The following BOK variants were observed in gnomAD, a reference collection of about 807,000 sequenced individuals.
The protein encoded by BOK is BCL2 family apoptosis regulator BOK, also known as bcl-2-related ovarian killer protein.
BOK carries 20 observed loss-of-function variants against 18.3 expected under a neutral mutation model. That is an observed-to-expected ratio of 1.09 (90% CI 0.77 to 1.59). The LOEUF is 1.59. BOK is among the 40% of genes most tolerant of loss of function. The pLI, the probability that BOK is intolerant of heterozygous loss-of-function variation, is 0.00. For synonymous variants in BOK, 173 were observed against 142.4 expected (o/e 1.21, Z -1.53); for missense variants, 348 against 307.9 (o/e 1.13, Z -0.97).
intron 3 of BOK, 144 bp from the exon 4 acceptor site, chr2:241,569,981 C>T: frequency 9.6e-7 from 1 of 1,041,656 alleles, no homozygotes; most frequent in Non-Finnish European, 1.4e-6. Flanking sequence ...GGCATCCTGT[C>T]AGGGAGCGGT....
Position 241,570,160 on chromosome 2 carries a change from G to T in BOK, c.385G>T (p.Val129Leu), listed in dbSNP as rs1416884690. The T allele has an allele frequency of 6.2e-7, 1 of 1,611,498 alleles. No homozygotes were observed. Among genetic ancestry groups the T allele is most frequent in the Non-Finnish European group, 8.5e-7 (1 of 1,179,328 alleles). ...TWGKVVSLYAVAAGLAVDCVR... is the reference protein window; with the variant it reads ...TWGKVVSLYALAAGLAVDCVR... ...GGGCAAGGTGGTGTCCCTGTATGCGGTGGCCGCGGGGCTGGCCGTGGACTG... is the reference window on the plus strand; with the variant it reads ...GGGCAAGGTGGTGTCCCTGTATGCGTTGGCCGCGGGGCTGGCCGTGGACTG... The change falls in exon 4 of 5, where the codon GTG (valine) becomes TTG (leucine). Residue 129 changes from valine to leucine, a missense_variant. Coordinates refer to ENST00000318407, the MANE Select transcript of BOK (RefSeq NM_032515.5).
In BOK at chr2:241,565,636, C is replaced by T. The variant is rs537959572; in HGVS notation, c.349+3160C>T. 2.2e-4 allele frequency among the ~76,000 whole-genome samples: 33 copies of T among 152,336 alleles called. 2 individuals carry two copies. In the South Asian group the frequency reaches 6.4e-3, roughly 30 times the overall value. ...TGAGGGTGTGCGCCCTGCCCAGCCC[C>T]TCCACTGCAGGCAAGCTGCACAGCC... On this transcript the variant is annotated intron_variant, in intron 3 of 4. Transcript: ENST00000318407.
In BOK at chr2:241,559,622, G is replaced by GGCCTCTCCTGGAGCGCGCCC; in HGVS notation, c.141_160dup (p.Glu54AlafsTer33). On this transcript the variant is annotated frameshift_variant, in exon 2 of 5. Transcript: ENST00000318407. LOFTEE classifies it high-confidence loss of function. ...CGTGCACGCGCGGCTGCTGCGCGCCGGCCTCTCCTGGAGCGCGCCCGAGCG... is the reference window on the plus strand; with the variant it reads ...CGTGCACGCGCGGCTGCTGCGCGCCGGCCTCTCCTGGAGCGCGCCCGCCTCTCCTGGAGCGCGCCCGAGCG... The GGCCTCTCCTGGAGCGCGCCC allele has an allele frequency of 6.8e-7, 1 of 1,467,450 alleles. No homozygotes were observed. The highest frequency in any genetic ancestry group is 9.0e-7 in the Non-Finnish European group (1 of 1,115,798). The allele number at this position is 1,467,450 out of a possible 1,614,324, so 90.9% of individuals were successfully genotyped here.
At chr2:241,558,316 A>C (rs975483175), upstream of BOK, among the ~76,000 whole-genome samples, 18 of 152,220 alleles carry the variant, frequency 1.2e-4, no homozygotes, top group African/African-American at 4.1e-4. Flanking sequence ...AAAGGTACTA[A>C]CCATAAAGAA....
At chr2:241,564,438 C>T (rs1242688152) in intron 3 of BOK, among the ~76,000 whole-genome samples, 1 of 152,202 alleles carries the variant, frequency 6.6e-6, no homozygotes, top group African/African-American at 2.4e-5. Flanking sequence ...GGCTCCAAGG[C>T]CCCCACGTGG....
upstream of BOK, among the ~76,000 whole-genome samples, chr2:241,557,689 G>A (rs1487519383): frequency 1.3e-5 from 2 of 152,126 alleles, no homozygotes; most frequent in African/African-American, 4.8e-5. Flanking sequence ...CATTTGATAT[G>A]TCTTATTTTT....
At chr2:241,556,348 G>A (rs1339492583), upstream of BOK, among the ~76,000 whole-genome samples, 2 of 152,200 alleles carry the variant, frequency 1.3e-5, no homozygotes, top group South Asian at 2.1e-4. Context: ...ACTTTGTGAT[G>A]CCAAGGCAGG....
chr2:241,573,556 C>T lies in BOK; in HGVS notation c.*1134C>T, dbSNP rs2066756760. 6.6e-6 allele frequency: 1 copy of T among 152,370 alleles called. No individual in the cohort carries two copies. The highest frequency in any genetic ancestry group is 2.4e-5 in the African/African-American group (1 of 41,446). 9.4% of individuals were successfully genotyped at this position (152,370 alleles called of 1,614,324 possible). On this transcript the variant is annotated 3_prime_UTR_variant, in exon 5 of 5. Transcript: ENST00000318407. ...CGTTTCTGGAGGAAGAGTATGACAC[C>T]CACTTGTGATGGGGTCCTTGTGCGG...
intron 3 of BOK, among the ~76,000 whole-genome samples, chr2:241,563,111 C>T (rs911664777): frequency 5.3e-5 from 8 of 152,130 alleles, no homozygotes; most frequent in Admixed American, 3.3e-4. Flanking sequence ...CCCTCCTGTG[C>T]GCTCCCATCT....
chr2:241,567,275 C>T lies in BOK; in HGVS notation c.350-2850C>T, dbSNP rs565745011. Among the ~76,000 whole-genome samples the T allele has an allele frequency of 3.8e-5, 5 of 133,202 alleles. 1 individual carries two copies. Among genetic ancestry groups the T allele is most frequent in the Middle Eastern group, 3.8e-3 (1 of 262 alleles). 87.4% of individuals were successfully genotyped at this position (133,202 alleles called of 152,430 possible). On this transcript the variant is annotated intron_variant, in intron 3 of 4. Transcript: ENST00000318407. The stretch of plus-strand genomic sequence containing the variant: ...CTGAGTAGCTGGGATTACAGGCACC[C>T]GCCACCATGCTTGGCTAATGTTTGT...
At chr2:241,556,183 C>T (rs1398455529), upstream of BOK, among the ~76,000 whole-genome samples, 1 of 152,246 alleles carries the variant, frequency 6.6e-6, no homozygotes, top group African/African-American at 2.4e-5. Flanking sequence ...CTAGACTCTA[C>T]ATTAAAGAGT....
rs868166395 is a variant in BOK, at chr2:241,567,282, A to T, written c.350-2843A>T. On this transcript the variant is annotated intron_variant, in intron 3 of 4. Coordinates refer to ENST00000318407, the MANE Select transcript of BOK (RefSeq NM_032515.5). ...GCTGGGATTACAGGCACCCGCCACC[A>T]TGCTTGGCTAATGTTTGTATTTTTA... Among the ~76,000 whole-genome samples, 3 of 132,956 alleles carry T rather than the reference A, an allele frequency of 2.3e-5. 1 individual carries two copies. The highest frequency in any genetic ancestry group is 1.6e-5 in the Non-Finnish European group (1 of 62,516). 87.2% of individuals were successfully genotyped at this position (132,956 alleles called of 152,430 possible). A position where few individuals can be genotyped will look rare whatever the true frequency, so the allele number is the denominator to read the frequency against.
chr2:241,557,311 T>C (rs1208439653), upstream of BOK, among the ~76,000 whole-genome samples: 5 of 38,988 alleles, frequency 1.3e-4, no homozygotes, highest in African/African-American at 5.5e-4. Context: ...CTTTTTCCTT[T>C]TTTTTTTTTT....
chr2:241,560,249 C>T lies in BOK; in HGVS notation c.220+546C>T, dbSNP rs1220303630. The T allele has an allele frequency of 6.1e-6, 6 of 985,320 alleles. No individual in the cohort carries two copies. The Admixed American group carries it at 3.7e-4, about 61-fold the overall frequency. 61.0% of individuals were successfully genotyped at this position (985,320 alleles called of 1,614,324 possible). A position where few individuals can be genotyped will look rare whatever the true frequency, so the allele number is the denominator to read the frequency against. On this transcript the variant is annotated intron_variant, in intron 2 of 4. Transcript: ENST00000318407. ...GGGTCACACACGGTCCACTGGCTGCCCCCACCGTCTCCAAGGTCTGGACCC... is the reference window on the plus strand; with the variant it reads ...GGGTCACACACGGTCCACTGGCTGCTCCCACCGTCTCCAAGGTCTGGACCC...
At chr2:241,569,593 G>A (rs182812811) in intron 3 of BOK, among the ~76,000 whole-genome samples, 4 of 151,900 alleles carry the variant, frequency 2.6e-5, no homozygotes, top group East Asian at 1.9e-4. Flanking sequence ...CTCTTTTCTC[G>A]CTCACGTATA....
chr2:241,571,212 C>G (rs1213056032), intron 4 of BOK, among the ~76,000 whole-genome samples: 3 of 150,150 alleles, frequency 2.0e-5, no homozygotes, highest in Admixed American at 6.6e-5. Flanking sequence ...CAGCCCCCGC[C>G]CTCCCGAGTG....
At chr2:241,561,346 G>C (rs2066524895) in intron 2 of BOK, among the ~76,000 whole-genome samples, 1 of 152,382 alleles carries the variant, frequency 6.6e-6, no homozygotes, top group Non-Finnish European at 1.5e-5. Flanking sequence ...GCTGCCAGGG[G>C]CAGGGCTGAT....
intron 3 of BOK, among the ~76,000 whole-genome samples, chr2:241,569,192 G>A (rs575284949): frequency 5.9e-5 from 9 of 152,292 alleles, no homozygotes; most frequent in East Asian, 3.9e-4. Context: ...GTGTACTGGC[G>A]CGATCTCAGC....
In BOK at chr2:241,562,366, TCCGGCCCAGCGTCTA is replaced by T; in HGVS notation, c.243_257del (p.Pro82_Arg86del). ...CACACAGGCGATGAGCTGGAGATGATCCGGCCCAGCGTCTACCGCAACGTGGCGCGTCAGCTGCAC... is the reference window on the plus strand; with the variant it reads ...CACACAGGCGATGAGCTGGAGATGATCCGCAACGTGGCGCGTCAGCTGCAC... On this transcript the variant is annotated inframe_deletion, in exon 3 of 5. Transcript: ENST00000318407. This position sits in a 1 kb window ranked among gnomAD's most constrained non-coding sequence, Gnocchi z 4.5. 1.2e-6 allele frequency: 2 copies of T among 1,608,192 alleles called. No homozygotes were observed. Among genetic ancestry groups the T allele is most frequent in the Admixed American group, 3.4e-5 (2 of 59,594 alleles).
Sources: gnomAD v4.1 joint callset for allele counts (sites outside exome capture counted in the v4.1 genomes callset) on GRCh38, gnomAD v4.1.1 for gene constraint, Gnocchi (gnomAD v3.1) non-coding constraint, MANE v1.5 for transcripts, NCBI Gene and HGNC (gene_info 2026-07-23, HGNC 2026-07-21) for gene names.